The following TLE2 variants were observed in gnomAD, a reference collection of about 807,000 sequenced individuals.
TLE2 encodes the protein TLE family member 2, transcriptional corepressor, also known as transducin-like enhancer protein 2.
In TLE2, 74 loss-of-function variants were observed where a neutral mutation model predicts 97.2. The ratio of observed to expected loss-of-function variants is 0.76; its 90% CI spans 0.63 to 0.92. TLE2 has a LOEUF of 0.92. Among genes scored for constraint, TLE2 ranks in the 40% least tolerant of loss-of-function variants. TLE2 has a pLI of 0.00. For missense variants in TLE2, 1,038 were observed against 1,008.7 expected, an observed-to-expected ratio of 1.03 and a Z score of -0.39; for synonymous variants, 499 against 432.1, an observed-to-expected ratio of 1.15 and a Z score of -1.92.
intron 5 of TLE2, among the ~76,000 whole-genome samples, chr19:3,024,226 G>A (rs1359209232): frequency 6.6e-6 from 1 of 151,156 alleles, no homozygotes. Flanking sequence ...GGCTGGTCTC[G>A]AACTCCTGAC....
chr19:2,998,241 G>A (rs1261242776), intron 19 of TLE2, among the ~76,000 whole-genome samples: 5 of 13,120 alleles, frequency 3.8e-4, no homozygotes, highest in South Asian at 1.2e-3. Flanking sequence ...CGGCCAATGT[G>A]TGTGTGTGTG....
intron 10 of TLE2, 71 bp downstream of exon 10, chr19:3,014,499 C>T (rs753316638): frequency 2.2e-5 from 30 of 1,380,956 alleles, no homozygotes; most frequent in Non-Finnish European, 2.8e-5. Flanking sequence ...CCTCTGGGTC[C>T]TCCCAGTCCA....
intron 18 of TLE2, among the ~76,000 whole-genome samples, chr19:3,001,393 G>A (rs2089355655): frequency 2.0e-5 from 3 of 152,120 alleles, no homozygotes; most frequent in South Asian, 4.1e-4. Flanking sequence ...GGGATTACAG[G>A]TGTGAGCCAC....
chr19:3,028,855 G>C, intron 1 of TLE2, 26 bp downstream of exon 1: 1 of 1,611,290 alleles, frequency 6.2e-7, no homozygotes, highest in Non-Finnish European at 8.5e-7. Context: ...GACACTGGGG[G>C]CCCCCTCCCC....
At chr19:3,024,251 C>A (rs2089901864) in intron 5 of TLE2, among the ~76,000 whole-genome samples, 1 of 152,014 alleles carries the variant, frequency 6.6e-6, no homozygotes, top group East Asian at 1.9e-4. Context: ...GGTGATCCAC[C>A]TGCCTCAGCC....
At chr19:3,030,715 G>A (rs2090016597), upstream of TLE2, among the ~76,000 whole-genome samples, 1 of 152,010 alleles carries the variant, frequency 6.6e-6, no homozygotes, top group Non-Finnish European at 1.5e-5. Flanking sequence ...CTTGAGCCCA[G>A]GAGTTCAAGA....
At chr19:3,008,824 G>C (rs887605454) in intron 14 of TLE2, 45 bp downstream of exon 14, 7 of 1,459,474 alleles carry the variant, frequency 4.8e-6, no homozygotes, top group Non-Finnish European at 5.5e-6. Flanking sequence ...GGAGGTGGGG[G>C]GCTGGCCCGG....
intron 8 of TLE2, among the ~76,000 whole-genome samples, chr19:3,017,284 C>T (rs1207103703): frequency 6.6e-6 from 1 of 151,340 alleles, no homozygotes; most frequent in Non-Finnish European, 1.5e-5. Context: ...ATTACAGGCA[C>T]CCGCCGCCAC....
At chr19:3,004,614 CAAAAAAA>C (rs61444494) in intron 17 of TLE2, among the ~76,000 whole-genome samples, 5 of 88,902 alleles carry the variant, frequency 5.6e-5, no homozygotes, top group Admixed American at 1.3e-4. Context: ...AACTCTGTCT[CAAAAAAA>C]AAAAAAAAAA....
chr19:3,037,576 A>G (rs1437164815), intron 1 of TLE2, among the ~76,000 whole-genome samples: 1 of 152,250 alleles, frequency 6.6e-6, no homozygotes, highest in African/African-American at 2.4e-5. Context: ...CTACTTTCGC[A>G]TGGGTCCTGA....
chr19:3,031,920 T>C (rs1460774205), upstream of TLE2, among the ~76,000 whole-genome samples: 1 of 152,078 alleles, frequency 6.6e-6, no homozygotes, highest in Non-Finnish European at 1.5e-5. Flanking sequence ...TGTGTGGCTT[T>C]TTGTTTGTTT....
Position 3,005,963 on chromosome 19 carries a change from T to C in TLE2, c.1506A>G (p.Arg502=). 1 of 1,609,714 alleles carries C rather than the reference T, an allele frequency of 6.2e-7. No individual in the cohort carries two copies. The highest frequency in any genetic ancestry group is 8.5e-7 in the Non-Finnish European group (1 of 1,176,542). Residue 502 remains arginine, a synonymous_variant, in exon 16 of 20, where the codon CGA becomes CGG. Coordinates refer to ENST00000262953, the MANE Select transcript of TLE2 (RefSeq NM_003260.5). ...ACTTGCAGGAACGAATGTAGTTGTC[T>C]CGGTTCTGGGGTCGGGGAGAGAAGC... ...TPVAQLDCLN[R]DNYIRSCKLL...
rs374457134 is a variant in TLE2, at chr19:2,997,935, G to C, written c.2145C>G (p.Val715=). The C allele has an allele frequency of 1.7e-5, 27 of 1,612,428 alleles. No individual in the cohort carries two copies. Among genetic ancestry groups the C allele is most frequent in the Admixed American group, 5.0e-5 (3 of 59,724 alleles). The change falls in exon 20 of 20, where the codon GTC becomes GTG. Residue 715 remains valine (V), a synonymous_variant. Transcript: ENST00000262953. ...SIFQSKESSS[V]LSCDISRNNK... is the part of the protein sequence containing the mutation. ...TATTTCTGGAGATGTCACAACTCAG[G>C]ACTGAGGACGACTCCTTGGACTGCC...
chr19:3,044,894 G>C (rs2090130725), intron 1 of TLE2, among the ~76,000 whole-genome samples: 1 of 152,216 alleles, frequency 6.6e-6, no homozygotes, highest in Non-Finnish European at 1.5e-5. Context: ...GGGATAAATT[G>C]TGCGGAGCAA....
chr19:3,027,228 C>T (rs2089962589), intron 4 of TLE2, among the ~76,000 whole-genome samples: 1 of 152,248 alleles, frequency 6.6e-6, no homozygotes, highest in Non-Finnish European at 1.5e-5. Context: ...GGCTCAGAGC[C>T]TTACGACACT....
chr19:3,006,039 TG>T, intron 15 of TLE2, 71 bp from the exon 16 acceptor site: 1 of 1,553,896 alleles, frequency 6.4e-7, no homozygotes, highest in Non-Finnish European at 8.9e-7. Flanking sequence ...TAGCTCAACG[TG>T]GGGGTCTCTG....
intron 12 of TLE2, among the ~76,000 whole-genome samples, chr19:3,010,723 C>T (rs1199052532): frequency 6.6e-6 from 1 of 152,180 alleles, no homozygotes; most frequent in Non-Finnish European, 1.5e-5. Flanking sequence ...CTGGTGAATG[C>T]CCAAGCCTGG....
chr19:3,019,409 G>T lies in TLE2; in HGVS notation c.424C>A (p.Pro142Thr), dbSNP rs1387093462. ...GCACTGCCGCCCACCAGCCCGGCTG[G>T]GCGGGGGGTGAGGGGCACAGGGGGT... is the stretch of plus-strand genomic sequence containing the variant. ...HAPPVPLTPRPAGLVGGSATG... is the reference protein window; with the variant it reads ...HAPPVPLTPRTAGLVGGSATG... Residue 142 changes from proline to threonine, a missense_variant, in exon 7 of 20, where the codon CCA becomes ACA. By Grantham distance (38) the Pro-to-Thr change is conservative. Transcript: ENST00000262953. This position sits in a 1 kb window ranked among gnomAD's most constrained non-coding sequence, Gnocchi z 5.1. 2.6e-6 allele frequency: 4 copies of T among 1,538,888 alleles called. No individual in the cohort carries two copies. The East Asian group carries it at 9.7e-5, about 37-fold the overall frequency.
chr19:3,028,278 G>T, intron 3 of TLE2, 41 bp downstream of exon 3: 1 of 1,577,506 alleles, frequency 6.3e-7, no homozygotes. Context: ...TCAAAGCCCT[G>T]CCCGCCTCTC....
Sources: allele counts gnomAD v4.1 joint callset (sites outside exome capture counted in the v4.1 genomes callset), GRCh38; gene constraint gnomAD v4.1.1; non-coding constraint Gnocchi (gnomAD v3.1); transcripts MANE v1.5; gene names NCBI Gene and HGNC (gene_info 2026-07-23, HGNC 2026-07-21).